The following HMG20A variants were observed in gnomAD, a reference collection of about 807,000 sequenced individuals.
The protein encoded by HMG20A is high mobility group 20A.
HMG20A carries 17 observed loss-of-function variants against 43.9 expected under a neutral mutation model. That is an observed-to-expected ratio of 0.39 (90% confidence interval 0.27 to 0.58). The LOEUF (loss-of-function observed/expected upper bound fraction) is 0.58, where lower values mean the gene tolerates loss of function less well. Among genes scored for constraint, HMG20A ranks in the 20% least tolerant of loss-of-function variants. The pLI is 0.59. For synonymous variants in HMG20A, 132 were observed against 147.5 expected (o/e 0.89, Z 0.76); for missense variants, 341 against 438.2 (o/e 0.78, Z 1.98).
At chr15:77,455,349 A>T (rs961111526) in intron 1 of HMG20A, among the ~76,000 whole-genome samples, 1 of 149,954 alleles carries the variant, frequency 6.7e-6, no homozygotes, top group African/African-American at 2.5e-5. Context: ...TTAAATATCT[A>T]GTACGCTTAA....
chr15:77,482,365 G>A (rs2072912302), intron 9 of HMG20A: 1 of 152,132 alleles, frequency 6.6e-6, no homozygotes, highest in Non-Finnish European at 1.5e-5. Context: ...GTAGTACCTA[G>A]AGACAAGTGG....
intron 1 of HMG20A, among the ~76,000 whole-genome samples, chr15:77,423,536 A>C (rs1339973491): frequency 1.3e-5 from 2 of 152,228 alleles, no homozygotes; most frequent in African/African-American, 4.8e-5. Flanking sequence ...TAACAAAGAA[A>C]GTGTCAAATC....
the HMG20A span, among the ~76,000 whole-genome samples, chr15:77,494,790 A>G: frequency 6.6e-6 from 1 of 152,234 alleles, no homozygotes; most frequent in African/African-American, 2.4e-5. Context: ...TAGATTATGG[A>G]AAATTATAAA....
At chr15:77,423,078 T>C (rs2073387993) in intron 1 of HMG20A, among the ~76,000 whole-genome samples, 2 of 152,222 alleles carry the variant, frequency 1.3e-5, no homozygotes, top group Non-Finnish European at 2.9e-5. Context: ...TTTTGGAAAC[T>C]GTCTTTATTA....
intron 6 of HMG20A, among the ~76,000 whole-genome samples, chr15:77,472,720 GTGT>G (rs1459734960): frequency 6.6e-6 from 1 of 152,198 alleles, no homozygotes; most frequent in Non-Finnish European, 1.5e-5. Flanking sequence ...TTAGGTGTGT[GTGT>G]TGTTTCAAAT....
intron 6 of HMG20A, among the ~76,000 whole-genome samples, chr15:77,473,645 A>G (rs1376057846): frequency 3.3e-5 from 5 of 152,256 alleles, no homozygotes; most frequent in Admixed American, 6.5e-5. Flanking sequence ...TCTGTATCAT[A>G]GAACCTGCTG....
At chr15:77,447,186 A>T (rs1221652880) in intron 1 of HMG20A, among the ~76,000 whole-genome samples, 1 of 152,190 alleles carries the variant, frequency 6.6e-6, no homozygotes, top group South Asian at 2.1e-4. Flanking sequence ...TACTAATAAT[A>T]AAAGCAGTGC....
At chr15:77,432,703 C>T (rs1053802744) in intron 1 of HMG20A, among the ~76,000 whole-genome samples, 8 of 101,666 alleles carry the variant, frequency 7.9e-5, no homozygotes, top group African/African-American at 3.0e-4. Flanking sequence ...ACCTGGGCAA[C>T]AAGAGCGAAA....
At chr15:77,498,317 G>C in the HMG20A span, among the ~76,000 whole-genome samples, 1 of 152,106 alleles carries the variant, frequency 6.6e-6, no homozygotes, top group South Asian at 2.1e-4. Context: ...TTTTACTCAC[G>C]GGCCAGCTCT....
At chr15:77,489,395 A>G (rs1008756700), downstream of HMG20A, among the ~76,000 whole-genome samples, 3 of 152,246 alleles carry the variant, frequency 2.0e-5, no homozygotes, top group Non-Finnish European at 2.9e-5. Flanking sequence ...CTGTGGCTTT[A>G]CATTCCACTA....
intron 1 of HMG20A, among the ~76,000 whole-genome samples, chr15:77,437,902 TAG>T (rs1464664613): frequency 3.9e-5 from 6 of 152,028 alleles, no homozygotes; most frequent in Admixed American, 2.6e-4. Flanking sequence ...AAAGTAAAGA[TAG>T]AGAGTTCTCA....
chr15:77,467,441 G>A (rs2142341125), intron 4 of HMG20A, 134 bp downstream of exon 4: 3 of 686,264 alleles, frequency 4.4e-6, no homozygotes, highest in Non-Finnish European at 7.4e-6. Context: ...GAATAGCAGG[G>A]TCCATCATAG....
chr15:77,430,088 A>G (rs1362684300), intron 1 of HMG20A, among the ~76,000 whole-genome samples: 1 of 152,232 alleles, frequency 6.6e-6, no homozygotes, highest in Non-Finnish European at 1.5e-5. Context: ...CTATGTCTAC[A>G]TTAAATTATT....
chr15:77,502,775 A>G, the HMG20A span, among the ~76,000 whole-genome samples: 4 of 152,094 alleles, frequency 2.6e-5, no homozygotes, highest in Non-Finnish European at 4.4e-5. Flanking sequence ...TGAGACCAGC[A>G]TGGGCAACAT....
chr15:77,464,725 C>G, intron 3 of HMG20A: 1 of 191,818 alleles, frequency 5.2e-6, no homozygotes, highest in Non-Finnish European at 1.1e-5. Context: ...CTCAGCAAGC[C>G]CTGCTGCATG....
At chr15:77,441,466 A>G (rs1477769110) in intron 1 of HMG20A, among the ~76,000 whole-genome samples, 2 of 152,128 alleles carry the variant, frequency 1.3e-5, no homozygotes, top group Admixed American at 6.5e-5. Context: ...TCAGTATTCT[A>G]TGTAGTCTGA....
chr15:77,429,228 GT>G (rs1285024230), intron 1 of HMG20A, among the ~76,000 whole-genome samples: 1 of 150,460 alleles, frequency 6.6e-6, no homozygotes, highest in Non-Finnish European at 1.5e-5. Context: ...TGTTTTTTTT[GT>G]TTTTTTGAGA....
Position 77,467,122 on chromosome 15 carries a change from A to G in HMG20A, c.265A>G (p.Lys89Glu), listed in dbSNP as rs987660811. ...ACGAAGTAAACGAGGAGGTTGGTCC[A>G]AAGGAAGAAAGAGGAAGAAACCTCT... ...EQRSKRGGWS[K>E]GRKRKKPLRD... Residue 89 changes from lysine (K) to glutamate (E), a missense_variant, in exon 4 of 10, where the codon AAA (lysine) becomes GAA (glutamate). Lys to Glu is a moderately conservative substitution (Grantham distance 56, BLOSUM62 1). Coordinates refer to ENST00000336216, the MANE Select transcript of HMG20A (RefSeq NM_001304504.2). 18 of 1,613,906 alleles carry G rather than the reference A, an allele frequency of 1.1e-5. No individual in the cohort carries two copies. The highest frequency in any genetic ancestry group is 1.7e-5 in the Admixed American group (1 of 59,984).
chr15:77,464,446 A>C (rs1359589169), intron 3 of HMG20A, 59 bp downstream of exon 3: 2 of 1,570,206 alleles, frequency 1.3e-6, no homozygotes, highest in Admixed American at 3.4e-5. Flanking sequence ...AAGCAGTCAC[A>C]AGGAAGGTGT....
Sources: gnomAD v4.1 joint callset for allele counts (sites outside exome capture counted in the v4.1 genomes callset) on GRCh38, gnomAD v4.1.1 for gene constraint, MANE v1.5 for transcripts, NCBI Gene and HGNC (gene_info 2026-07-23, HGNC 2026-07-21) for gene names.